UIMC1: variants seen among roughly 807,000 people sequenced by gnomAD.
The protein encoded by UIMC1 is ubiquitin interaction motif containing 1.
Under a neutral mutation model 84.9 loss-of-function variants are expected in UIMC1, and 42 were observed. The ratio of observed to expected loss-of-function variants is 0.49; its 90% CI spans 0.39 to 0.64. UIMC1 has a LOEUF of 0.64. Among genes scored for constraint, UIMC1 ranks in the 30% least tolerant of loss-of-function variants. UIMC1 has a pLI of 0.00. For synonymous variants in UIMC1, 281 were observed against 293.0 expected (o/e 0.96, Z 0.42); for missense variants, 825 against 847.6 (o/e 0.97, Z 0.33).
In UIMC1 at chr5:176,906,522, T is replaced by C. The variant is rs73341842; in HGVS notation, c.1913-475A>G. Among the ~76,000 whole-genome samples the C allele has an allele frequency of 9.4e-3, 1,426 of 152,270 alleles. 24 individuals carry two copies. The highest frequency in any genetic ancestry group is 0.032 in the African/African-American group (1,332 of 41,556). On this transcript the variant is annotated intron_variant, in intron 13 of 14. Coordinates refer to ENST00000511320, the MANE Select transcript of UIMC1 (RefSeq NM_001199298.2). Reference sequence around the variant, plus strand: ...ATCCACATCTGGTGAATTTTAACAATAGCGACTAATAACAACAGTAATAAT... The same window carrying C: ...ATCCACATCTGGTGAATTTTAACAACAGCGACTAATAACAACAGTAATAAT...
At chr5:176,969,744 T>C (rs1215023206) in intron 4 of UIMC1, 38 bp from the exon 5 acceptor site, 3 of 1,574,382 alleles carry the variant, frequency 1.9e-6, no homozygotes, top group East Asian at 2.2e-5. Flanking sequence ...AGGTTTATTA[T>C]TAAAATAACT....
intron 2 of UIMC1, chr5:176,980,334 GTCCATCCA>G (rs201884334): frequency 3.5e-4 from 52 of 149,536 alleles, no homozygotes; most frequent in African/African-American, 8.6e-4. Context: ...CCGTCCATCC[GTCCATCCA>G]TCCATCCATC....
chr5:176,994,575 G>A (rs1773318802), intron 1 of UIMC1, among the ~76,000 whole-genome samples: 1 of 151,726 alleles, frequency 6.6e-6, no homozygotes, highest in Non-Finnish European at 1.5e-5. Context: ...CAGGAATCTG[G>A]AGACTGGAGA....
intron 3 of UIMC1, among the ~76,000 whole-genome samples, chr5:176,975,123 C>T (rs1163447669): frequency 6.6e-6 from 1 of 151,876 alleles, no homozygotes; most frequent in East Asian, 1.9e-4. Flanking sequence ...GCCTGGGTGA[C>T]AGAGTGAGAT....
At position 176,963,157 on chromosome 5, in the gene UIMC1, T is replaced by TTA. The variant is rs1767774339; in HGVS notation, c.1201-5004_1201-5003insTA. On this transcript the variant is annotated intron_variant, in intron 6 of 14. Coordinates refer to ENST00000511320, the MANE Select transcript of UIMC1 (RefSeq NM_001199298.2). ...AAGAATTATCAATAAAAAAATAAAT[T>TTA]AAAAAAAAAAAAAAAAAAAAAAAAA... is the stretch of plus-strand genomic sequence containing the variant. Among the ~76,000 whole-genome samples, 5 of 13,964 alleles carry TTA rather than the reference T, an allele frequency of 3.6e-4. 1 individual carries two copies. The South Asian group carries it at 8.5e-3, about 24-fold the overall frequency. The allele number at this position is 13,964 out of a possible 152,430, so 9.2% of individuals were successfully genotyped here.
At chr5:176,998,218 T>A (rs1354376196) in intron 1 of UIMC1, among the ~76,000 whole-genome samples, 1 of 151,888 alleles carries the variant, frequency 6.6e-6, no homozygotes, top group African/African-American at 2.4e-5. Flanking sequence ...GGTTCACCCC[T>A]GTAATCCCAG....
At chr5:176,974,916 G>T (rs1769825063) in intron 3 of UIMC1, among the ~76,000 whole-genome samples, 1 of 152,106 alleles carries the variant, frequency 6.6e-6, no homozygotes, top group Non-Finnish European at 1.5e-5. Flanking sequence ...AACACTGGGA[G>T]GCCCAAGCTG....
chr5:176,933,525 A>C (rs2149427832), intron 10 of UIMC1, among the ~76,000 whole-genome samples: 1 of 134,892 alleles, frequency 7.4e-6, no homozygotes, highest in South Asian at 2.4e-4. Flanking sequence ...TTGCTAGTTT[A>C]GATTTTTTTT....
chr5:176,905,925 G>GT, intron 14 of UIMC1, 86 bp downstream of exon 14: 1 of 1,405,574 alleles, frequency 7.1e-7, no homozygotes. Context: ...AACAGTCTGA[G>GT]TATCACACTA....
intron 10 of UIMC1, among the ~76,000 whole-genome samples, chr5:176,912,736 G>A (rs1159074343): frequency 6.6e-6 from 1 of 151,954 alleles, no homozygotes; most frequent in African/African-American, 2.4e-5. Flanking sequence ...CACAATCTCG[G>A]CTCACTGCAA....
rs190249408 is a variant in UIMC1 at position 177,004,559 on chromosome 5, C to T, written c.-9+2091G>A. The stretch of plus-strand genomic sequence containing the variant: ...CACTAACTGCCAATGAAGGAGGAAT[C>T]AAGTCTGGATGCCAACAGCAGCTTC... On this transcript the variant is annotated intron_variant, in intron 1 of 14. Coordinates refer to ENST00000511320, the MANE Select transcript of UIMC1 (RefSeq NM_001199298.2). Among the ~76,000 whole-genome samples, 7 of 152,232 alleles carry T rather than the reference C, an allele frequency of 4.6e-5. 2 individuals carry two copies. The highest frequency in any genetic ancestry group is 1.7e-4 in the African/African-American group (7 of 41,562).
intron 1 of UIMC1, among the ~76,000 whole-genome samples, chr5:176,993,888 G>A (rs1049046124): frequency 2.0e-5 from 3 of 151,432 alleles, no homozygotes; most frequent in Admixed American, 6.6e-5. Flanking sequence ...GGCACTTGTA[G>A]TCCCAGCTAC....
intron 10 of UIMC1, among the ~76,000 whole-genome samples, chr5:176,917,329 T>G (rs948482184): frequency 1.3e-5 from 2 of 152,006 alleles, no homozygotes; most frequent in Non-Finnish European, 2.9e-5. Context: ...CCCAGCACTT[T>G]GGGAGGCCAA....
intron 9 of UIMC1, among the ~76,000 whole-genome samples, chr5:176,948,162 T>C (rs1234190768): frequency 6.6e-6 from 1 of 152,220 alleles, no homozygotes; most frequent in Non-Finnish European, 1.5e-5. Context: ...AGGATATTTA[T>C]CTAAGACTCC....
At chr5:176,989,288 T>C (rs1413991822) in intron 1 of UIMC1, among the ~76,000 whole-genome samples, 1 of 152,172 alleles carries the variant, frequency 6.6e-6, no homozygotes, top group Non-Finnish European at 1.5e-5. Flanking sequence ...TCATTCCCCA[T>C]GATAAAACTC....
intron 10 of UIMC1, among the ~76,000 whole-genome samples, chr5:176,934,269 CTT>C (rs1199151342): frequency 1.3e-5 from 2 of 152,134 alleles, no homozygotes; most frequent in Non-Finnish European, 2.9e-5. Flanking sequence ...CATATAAACA[CTT>C]TAGAGGTATG....
chr5:176,917,862 G>A (rs1418793181), intron 10 of UIMC1, among the ~76,000 whole-genome samples: 1 of 152,148 alleles, frequency 6.6e-6, no homozygotes, highest in Non-Finnish European at 1.5e-5. Flanking sequence ...CGGAGGCTGA[G>A]GCAGGAGAAT....
chr5:176,999,203 T>G (rs568947499), intron 1 of UIMC1, among the ~76,000 whole-genome samples: 35 of 152,166 alleles, frequency 2.3e-4, no homozygotes, highest in Middle Eastern at 3.4e-3. Context: ...CTCAAAAAAA[T>G]CTTGCAGTAT....
Position 176,907,016 on chromosome 5 carries a change from C to T in UIMC1, c.1912+98G>A, listed in dbSNP as rs1299377737. 3 of 1,274,920 alleles carry T rather than the reference C, an allele frequency of 2.4e-6. No homozygotes were observed. The African/African-American group carries it at 4.5e-5, about 19-fold the overall frequency. 79.0% of individuals were successfully genotyped at this position (1,274,920 alleles called of 1,614,324 possible). On this transcript the variant is annotated intron_variant, in intron 13 of 14. Transcript: ENST00000511320. ...GCTGGCTGACTGGATCACGTGTGTA[C>T]CCAGATAACCACAGCAAATAGTCAG... is the stretch of plus-strand genomic sequence containing the variant.
Sources: gnomAD v4.1 joint callset for allele counts (sites outside exome capture counted in the v4.1 genomes callset) on GRCh38, gnomAD v4.1.1 for gene constraint, MANE v1.5 for transcripts, NCBI Gene and HGNC (gene_info 2026-07-23, HGNC 2026-07-21) for gene names.